DOCK7: variants seen among roughly 807,000 people sequenced by gnomAD.
The protein encoded by DOCK7 is dedicator of cytokinesis protein 7.
In DOCK7, 138 loss-of-function variants were observed where a neutral mutation model predicts 271.0. That is an observed-to-expected ratio of 0.51 (90% CI 0.44 to 0.59). The LOEUF is 0.59. Among genes scored for constraint, DOCK7 ranks in the 20% least tolerant of loss-of-function variants. The probability of loss-of-function intolerance (pLI) is 0.00; values close to 1 mark genes in which losing one functional copy is unlikely to be tolerated. For synonymous variants in DOCK7, 823 were observed against 876.1 expected (o/e 0.94, Z 1.07); for missense variants, 2,066 against 2,592.4 (o/e 0.80, Z 4.41).
intron 18 of DOCK7, among the ~76,000 whole-genome samples, chr1:62,569,292 A>C (rs1646688092): frequency 6.6e-6 from 1 of 152,142 alleles, no homozygotes; most frequent in Non-Finnish European, 1.5e-5. Flanking sequence ...CGAAAAAAGA[A>C]GGCTTCAGGC....
chr1:62,553,932 T>A (rs954077601), intron 21 of DOCK7, among the ~76,000 whole-genome samples: 1 of 152,018 alleles, frequency 6.6e-6, no homozygotes, highest in South Asian at 2.1e-4. Context: ...CCAGCTGGTG[T>A]CTCTTCCTTT....
intron 48 of DOCK7, chr1:62,460,992 G>A (rs1645508173): frequency 6.6e-6 from 1 of 152,076 alleles, no homozygotes; most frequent in African/African-American, 2.4e-5. Flanking sequence ...GAAAAGTTGG[G>A]TTATAAAATC....
chr1:62,500,050 C>G (rs746636722), intron 37 of DOCK7, among the ~76,000 whole-genome samples: 20 of 152,112 alleles, frequency 1.3e-4, no homozygotes, highest in Non-Finnish European at 2.6e-4. Flanking sequence ...AGCCAAAACA[C>G]ATTTCTGAAG....
chr1:62,459,636 T>C (rs896421287), intron 48 of DOCK7, among the ~76,000 whole-genome samples: 3 of 152,184 alleles, frequency 2.0e-5, no homozygotes, highest in Admixed American at 6.5e-5. Context: ...TCTAGATTAA[T>C]ATAATTTAGC....
At chr1:62,604,567 G>A (rs1350720527) in intron 14 of DOCK7, 12 of 1,488,820 alleles carry the variant, frequency 8.1e-6, no homozygotes, top group Non-Finnish European at 1.1e-5. Context: ...AAACTTACGG[G>A]GAAATACAGT....
chr1:62,580,336 G>A (rs1647075894), intron 16 of DOCK7, among the ~76,000 whole-genome samples: 1 of 152,026 alleles, frequency 6.6e-6, no homozygotes, highest in South Asian at 2.1e-4. Context: ...AAGACACTAG[G>A]CATCTTATTA....
chr1:62,670,759 C>G (rs1362026209), intron 1 of DOCK7, among the ~76,000 whole-genome samples: 1 of 152,176 alleles, frequency 6.6e-6, no homozygotes, highest in Non-Finnish European at 1.5e-5. Context: ...CCTGACAAAA[C>G]AGGCCACTCG....
chr1:62,592,099 C>T (rs1052232565), intron 14 of DOCK7, among the ~76,000 whole-genome samples: 3 of 152,116 alleles, frequency 2.0e-5, no homozygotes, highest in African/African-American at 7.2e-5. Flanking sequence ...ATTTTAAACT[C>T]ATCTCTGAAG....
intron 5 of DOCK7, 26 bp from the exon 6 acceptor site, chr1:62,648,344 ATATAT>A: frequency 6.9e-7 from 1 of 1,451,166 alleles, no homozygotes; most frequent in Non-Finnish European, 9.1e-7. Context: ...TTAAATATAA[ATATAT>A]TAATTAATAA....
At chr1:62,683,710 A>C (rs1661416990) in intron 1 of DOCK7, among the ~76,000 whole-genome samples, 1 of 151,784 alleles carries the variant, frequency 6.6e-6, no homozygotes, top group African/African-American at 2.4e-5. Flanking sequence ...CGAGGTGGGC[A>C]GATCCCTTTA....
chr1:62,624,349 A>C (rs2149602079), intron 12 of DOCK7, among the ~76,000 whole-genome samples: 1 of 152,292 alleles, frequency 6.6e-6, no homozygotes, highest in East Asian at 1.9e-4. Context: ...GTCATCTACT[A>C]AGCTAATTTT....
chr1:62,618,609 C>T (rs1652749697), intron 14 of DOCK7, 97 bp downstream of exon 14: 1 of 1,114,480 alleles, frequency 9.0e-7, no homozygotes, highest in Non-Finnish European at 1.3e-6. Flanking sequence ...AGTAACAAAA[C>T]TACTTAAGAT....
In DOCK7 at chr1:62,517,284, A is replaced by G. The variant is rs564180999; in HGVS notation, c.3937-3386T>C. Among the ~76,000 whole-genome samples the G allele has an allele frequency of 6.6e-5, 10 of 152,304 alleles. No individual in the cohort carries two copies. The South Asian group carries it at 1.9e-3, about 28-fold the overall frequency. On this transcript the variant is annotated intron_variant, in intron 31 of 49. Coordinates refer to ENST00000635253, the MANE Select transcript of DOCK7 (RefSeq NM_001367561.1). ...GTCCCACCATGCCAATTAAAAAACA[A>G]AAACAAAACAAACAAACAAAAAAAC...
At position 62,633,537 on chromosome 1, in the gene DOCK7, T is replaced by C; in HGVS notation, c.1077A>G (p.Ala359=). ...CTTCTTTGAAAATCATATATGGTTC[T>C]GCACACTCTCCAATGTCTCCTTGCT... ...VLQQGDIGEC[A]EPYMIFKEAD... The change falls in exon 10 of 50, where the codon GCA becomes GCG. Residue 359 remains alanine (A), a synonymous_variant. Coordinates refer to ENST00000635253, the MANE Select transcript of DOCK7 (RefSeq NM_001367561.1). 1.2e-6 allele frequency: 2 copies of C among 1,613,522 alleles called. No homozygotes were observed. Among genetic ancestry groups the C allele is most frequent in the Non-Finnish European group, 8.5e-7 (1 of 1,179,728 alleles).
intron 14 of DOCK7, among the ~76,000 whole-genome samples, chr1:62,611,154 T>G (rs1398480143): frequency 6.6e-6 from 1 of 152,224 alleles, no homozygotes; most frequent in African/African-American, 2.4e-5. Flanking sequence ...AATAGTTTTT[T>G]AACCTGAGGC....
intron 1 of DOCK7, among the ~76,000 whole-genome samples, chr1:62,665,790 C>A (rs1659246037): frequency 6.7e-6 from 1 of 150,342 alleles, no homozygotes; most frequent in Admixed American, 6.6e-5. Flanking sequence ...CCTCACTCTA[C>A]CAATCTCAGC....
chr1:62,673,584 T>C (rs1660235803), intron 1 of DOCK7, among the ~76,000 whole-genome samples: 1 of 152,118 alleles, frequency 6.6e-6, no homozygotes, highest in Non-Finnish European at 1.5e-5. Flanking sequence ...AAAAGGTCAA[T>C]CCTCCTAAAA....
intron 12 of DOCK7, among the ~76,000 whole-genome samples, chr1:62,624,260 A>G (rs1174960933): frequency 6.6e-6 from 1 of 152,142 alleles, no homozygotes; most frequent in Non-Finnish European, 1.5e-5. Context: ...GACTCCCTAA[A>G]GCAATATTTA....
chr1:62,543,620 TTTCCCCCTCTATGAATTGTC>T lies in DOCK7; in HGVS notation c.2949+16_2949+35del, dbSNP rs1200234220. 6.8e-7 allele frequency: 1 copy of T among 1,471,964 alleles called. No individual in the cohort carries two copies. The highest frequency in any genetic ancestry group is 1.4e-5 in the African/African-American group (1 of 72,174). 91.2% of individuals were successfully genotyped at this position (1,471,964 alleles called of 1,614,324 possible). ...ACATCTATTTAATTGGTGAAATTAT[TTTCCCCCTCTATGAATTGTC>T]TTCATATGAATCTACCTTTTTAGTT... On this transcript the variant is annotated intron_variant, in intron 24 of 49. Transcript: ENST00000635253.
Sources: allele counts gnomAD v4.1 joint callset (sites outside exome capture counted in the v4.1 genomes callset), GRCh38; gene constraint gnomAD v4.1.1; transcripts MANE v1.5; gene names NCBI Gene and HGNC (gene_info 2026-07-23, HGNC 2026-07-21).